Variants in OPCML observed in about 807,000 individuals in gnomAD.
The protein encoded by OPCML is opioid-binding protein/cell adhesion molecule.
Under a neutral mutation model 37.8 loss-of-function variants are expected in OPCML, and 13 were observed. The ratio of observed to expected loss-of-function variants is 0.34; its 90% CI spans 0.22 to 0.55. OPCML has a LOEUF of 0.55. OPCML is among the 20% of genes least tolerant of loss of function. The pLI is 0.91. For missense variants in OPCML, 341 were observed against 435.6 expected (o/e 0.78, Z 1.93); for synonymous variants, 176 against 168.8 (o/e 1.04, Z -0.33).
At chr11:133,390,339 T>G (rs1029880529) in intron 1 of OPCML, among the ~76,000 whole-genome samples, 2 of 151,624 alleles carry the variant, frequency 1.3e-5, no homozygotes, top group African/African-American at 4.8e-5. Context: ...GGCGGGCGCC[T>G]GTAGTCCCAG....
intron 3 of OPCML, among the ~76,000 whole-genome samples, chr11:132,539,572 G>A (rs2096350491): frequency 6.6e-6 from 1 of 152,070 alleles, no homozygotes; most frequent in Admixed American, 6.6e-5. Context: ...TGATGATAAA[G>A]GTGGTGATAA....
chr11:133,517,216 AT>A (rs1447639560), intron 1 of OPCML, among the ~76,000 whole-genome samples: 2 of 152,220 alleles, frequency 1.3e-5, no homozygotes, highest in African/African-American at 4.8e-5. Flanking sequence ...ACTTTTATCT[AT>A]TTTTATCTTA....
intron 3 of OPCML, among the ~76,000 whole-genome samples, chr11:132,602,274 A>G (rs2137785531): frequency 6.6e-6 from 1 of 152,326 alleles, no homozygotes; most frequent in East Asian, 1.9e-4. Flanking sequence ...CAAAAAGGCA[A>G]TTACCATCGA....
At chr11:133,246,030 T>C (rs1269284452) in intron 1 of OPCML, among the ~76,000 whole-genome samples, 1 of 146,324 alleles carries the variant, frequency 6.8e-6, no homozygotes, top group African/African-American at 2.7e-5. Context: ...AAAACCTAGA[T>C]AATGGGTTGA....
At chr11:133,042,538 T>C (rs1947923302) in intron 1 of OPCML, among the ~76,000 whole-genome samples, 1 of 152,114 alleles carries the variant, frequency 6.6e-6, no homozygotes, top group Admixed American at 6.5e-5. Flanking sequence ...TGCTCAACTC[T>C]CCCAATAGGC....
chr11:133,400,806 T>G (rs1167675862), intron 1 of OPCML, among the ~76,000 whole-genome samples: 1 of 152,142 alleles, frequency 6.6e-6, no homozygotes, highest in Non-Finnish European at 1.5e-5. Context: ...TGGTTTCAGA[T>G]GCCATGACTC....
chr11:132,921,594 C>T (rs1436421312), intron 2 of OPCML, among the ~76,000 whole-genome samples: 1 of 152,160 alleles, frequency 6.6e-6, no homozygotes, highest in African/African-American at 2.4e-5. Context: ...TTTCCAGGAC[C>T]CTAGCTCCTC....
chr11:133,432,179 C>T (rs192025559), intron 1 of OPCML, among the ~76,000 whole-genome samples: 3 of 152,146 alleles, frequency 2.0e-5, no homozygotes, highest in Non-Finnish European at 2.9e-5. Context: ...ATAATGTGAA[C>T]ACCAAACCAC....
intron 2 of OPCML, among the ~76,000 whole-genome samples, chr11:132,666,810 T>C (rs1257212117): frequency 6.6e-6 from 1 of 152,206 alleles, no homozygotes; most frequent in Non-Finnish European, 1.5e-5. Flanking sequence ...ATGGTTGTGT[T>C]CCACAGGGCT....
chr11:133,073,783 A>C (rs946866647), intron 1 of OPCML, among the ~76,000 whole-genome samples: 24 of 152,364 alleles, frequency 1.6e-4, no homozygotes, highest in Middle Eastern at 3.4e-3. Context: ...ATGAATAGTT[A>C]CTATTTATTG....
intron 1 of OPCML, among the ~76,000 whole-genome samples, chr11:133,060,769 C>A (rs529542883): frequency 6.6e-6 from 1 of 152,234 alleles, no homozygotes; most frequent in Non-Finnish European, 1.5e-5. Context: ...GAACGCTGCA[C>A]ACAGCAGCCC....
At chr11:133,228,903 C>T (rs1039812592) in intron 1 of OPCML, among the ~76,000 whole-genome samples, 6 of 152,206 alleles carry the variant, frequency 3.9e-5, no homozygotes, top group East Asian at 1.9e-4. Flanking sequence ...GAAGCCAAAC[C>T]TCAGCATTTG....
At position 133,101,170 on chromosome 11, in the gene OPCML, G is replaced by T. The variant is rs191364143; in HGVS notation, c.62-158160C>A. Among the ~76,000 whole-genome samples the T allele has an allele frequency of 1.9e-3, 283 of 152,224 alleles. 1 individual carries two copies. The highest frequency in any genetic ancestry group is 3.1e-3 in the Non-Finnish European group (211 of 68,010). Reference sequence around the variant, plus strand: ...GAACTCCTGACCTTGTGATCTGCCTGCTTCAGCCTCCCAAAGTGCTAGGGT... The same window carrying T: ...GAACTCCTGACCTTGTGATCTGCCTTCTTCAGCCTCCCAAAGTGCTAGGGT... On this transcript the variant is annotated intron_variant, in intron 1 of 7. Transcript: ENST00000524381.
At chr11:133,423,617 C>A (rs1180493301) in intron 1 of OPCML, among the ~76,000 whole-genome samples, 1 of 152,138 alleles carries the variant, frequency 6.6e-6, no homozygotes, top group Non-Finnish European at 1.5e-5. Context: ...GAATAAACAC[C>A]TTTGCTGAGT....
intron 2 of OPCML, among the ~76,000 whole-genome samples, chr11:132,674,021 G>C (rs898179242): frequency 6.6e-6 from 1 of 152,130 alleles, no homozygotes; most frequent in East Asian, 1.9e-4. Context: ...TATATTGAAA[G>C]CATATAGGCA....
intron 2 of OPCML, among the ~76,000 whole-genome samples, chr11:132,899,501 T>C (rs549788451): frequency 1.3e-5 from 2 of 152,340 alleles, no homozygotes; most frequent in Non-Finnish European, 2.9e-5. Flanking sequence ...TGTATGCAGA[T>C]AGTTTCACCA....
chr11:133,412,702 T>C (rs74810893), intron 1 of OPCML, among the ~76,000 whole-genome samples: 14,960 of 152,192 alleles, frequency 0.098, 1,077 homozygotes, highest in African/African-American at 0.18. Flanking sequence ...TTGTTTGTAG[T>C]TTGTCACTGC....
intron 1 of OPCML, among the ~76,000 whole-genome samples, chr11:133,415,282 C>A (rs558978246): frequency 2.0e-5 from 3 of 151,302 alleles, no homozygotes; most frequent in Admixed American, 6.6e-5. Flanking sequence ...TGGTGGCGGG[C>A]GCCTGTAGTC....
chr11:133,202,169 T>C (rs959676116), intron 1 of OPCML, among the ~76,000 whole-genome samples: 2 of 152,158 alleles, frequency 1.3e-5, no homozygotes, highest in Non-Finnish European at 2.9e-5. Flanking sequence ...CGAGGTAACG[T>C]TGCCCAGAGG....
Sources: gnomAD v4.1 joint callset for allele counts (sites outside exome capture counted in the v4.1 genomes callset) on GRCh38, gnomAD v4.1.1 for gene constraint, MANE v1.5 for transcripts, NCBI Gene and HGNC (gene_info 2026-07-23, HGNC 2026-07-21) for gene names.